ANO1: variants seen among roughly 807,000 people sequenced by gnomAD.
ANO1 encodes anoctamin 1.
In ANO1, 59 loss-of-function variants were observed where a neutral mutation model predicts 124.0. That is an observed-to-expected ratio of 0.48 (90% CI 0.39 to 0.59). The LOEUF (loss-of-function observed/expected upper bound fraction) is 0.59, where lower values mean the gene tolerates loss of function less well. Among genes scored for constraint, ANO1 ranks in the 20% least tolerant of loss-of-function variants. ANO1 has a pLI of 0.00. For missense variants in ANO1, 1,059 were observed against 1,328.0 expected (o/e 0.80, Z 3.15); for synonymous variants, 529 against 532.0 (o/e 0.99, Z 0.08).
upstream of ANO1, among the ~76,000 whole-genome samples, chr11:69,983,449 C>G (rs868935477): frequency 2.0e-5 from 3 of 152,218 alleles, no homozygotes; most frequent in South Asian, 6.2e-4. Flanking sequence ...GCCACCTCCC[C>G]GAGCCAGTGC....
chr11:69,972,980 G>A, the ANO1 span, among the ~76,000 whole-genome samples: 1 of 149,172 alleles, frequency 6.7e-6, no homozygotes, highest in Non-Finnish European at 1.5e-5. Flanking sequence ...CAAGATCTCA[G>A]CCCACTGCAA....
chr11:70,017,616 G>T (rs557982132), intron 1 of ANO1, among the ~76,000 whole-genome samples: 3 of 151,626 alleles, frequency 2.0e-5, no homozygotes, highest in Non-Finnish European at 4.4e-5. Context: ...CCAAGCTCAA[G>T]GGAGCCTCCC....
intron 1 of ANO1, chr11:70,063,661 G>C (rs967996588): frequency 6.6e-6 from 1 of 152,080 alleles, no homozygotes; most frequent in Admixed American, 6.5e-5. Flanking sequence ...GTTTGTTCTG[G>C]AGAAATAAGA....
chr11:70,109,665 T>C (rs1200068797), intron 6 of ANO1, among the ~76,000 whole-genome samples: 2 of 152,218 alleles, frequency 1.3e-5, no homozygotes, highest in Admixed American at 1.3e-4. Flanking sequence ...GAGGCATGGT[T>C]CTGGTCCCAG....
At chr11:70,185,567 G>C (rs368580617) in intron 24 of ANO1, 23 bp from the exon 25 acceptor site, 19 of 1,607,520 alleles carry the variant, frequency 1.2e-5, no homozygotes, top group Non-Finnish European at 1.5e-5. Flanking sequence ...TCCCACCCTC[G>C]ACTCCACCAC....
chr11:70,168,817 C>T (rs2048348887), intron 21 of ANO1, among the ~76,000 whole-genome samples: 2 of 152,140 alleles, frequency 1.3e-5, no homozygotes, highest in African/African-American at 4.8e-5. Flanking sequence ...ACAAGTGCTG[C>T]CGTCTGCCCC....
At chr11:70,166,563 G>T (rs1034556917) in intron 20 of ANO1, among the ~76,000 whole-genome samples, 2 of 152,138 alleles carry the variant, frequency 1.3e-5, no homozygotes, top group Non-Finnish European at 2.9e-5. Flanking sequence ...CCCAGTGGCT[G>T]CTGGGTCTCT....
chr11:70,117,100 C>CTTTTTTTTTTTTTTTTTTTTTTTTT (rs756764991), intron 8 of ANO1, among the ~76,000 whole-genome samples: 3 of 61,548 alleles, frequency 4.9e-5, no homozygotes, highest in African/African-American at 1.3e-4. Context: ...TTGTTTCTTT[C>CTTTTTTTTTTTTTTTTTTTTTTTTT]TTTTTTTTTT....
intron 1 of ANO1, among the ~76,000 whole-genome samples, chr11:70,008,212 G>A (rs183307193): frequency 1.8e-4 from 27 of 152,164 alleles, no homozygotes; most frequent in African/African-American, 5.5e-4. Context: ...GTAAATTGCC[G>A]TTTCACTCTG....
chr11:70,145,583 C>A (rs555131591), intron 11 of ANO1, among the ~76,000 whole-genome samples: 1 of 152,210 alleles, frequency 6.6e-6, no homozygotes, highest in Admixed American at 6.5e-5. Flanking sequence ...TCTACAGACA[C>A]CTCCAGGACA....
intron 11 of ANO1, among the ~76,000 whole-genome samples, chr11:70,142,505 G>A (rs886678546): frequency 2.6e-5 from 4 of 152,086 alleles, no homozygotes; most frequent in Admixed American, 1.3e-4. Flanking sequence ...GAGCACTCTC[G>A]TGCAGGACCA....
At chr11:69,995,652 G>T (rs1382117004) in intron 1 of ANO1, among the ~76,000 whole-genome samples, 4 of 152,128 alleles carry the variant, frequency 2.6e-5, no homozygotes, top group Non-Finnish European at 5.9e-5. Context: ...ATTCAGCTGG[G>T]ATTATTAGTT....
chr11:70,129,335 G>A (rs2046652113), intron 10 of ANO1: 1 of 152,218 alleles, frequency 6.6e-6, no homozygotes, highest in Admixed American at 6.5e-5. Flanking sequence ...TAATCCTCCT[G>A]ACAACCTATT....
In ANO1 at chr11:69,987,018, T is replaced by TC. The variant is rs532124919; in HGVS notation, c.58+858dup. 5.1e-4 allele frequency among the ~76,000 whole-genome samples: 77 copies of TC among 152,052 alleles called. 1 individual carries two copies. Among genetic ancestry groups the TC allele is most frequent in the African/African-American group, 1.8e-3 (75 of 41,458 alleles). On this transcript the variant is annotated intron_variant, in intron 1 of 27. Coordinates refer to the ANO1 transcript ENST00000531349. ...GCATGGGAAGCCCTCCTTTTATTCT[T>TC]CCCCCCTCCCTCCCCCGACTTTTCT...
intron 1 of ANO1, among the ~76,000 whole-genome samples, chr11:70,013,488 G>C (rs1028728024): frequency 6.6e-6 from 1 of 152,098 alleles, no homozygotes; most frequent in African/African-American, 2.4e-5. Context: ...ATAACAAAGT[G>C]TCAGCTGGGC....
intron 1 of ANO1, among the ~76,000 whole-genome samples, chr11:70,010,316 C>T (rs114577781): frequency 0.043 from 6,550 of 151,136 alleles, 468 homozygotes; most frequent in African/African-American, 0.15. Context: ...TGTGCAAGTG[C>T]CTTTTTCACA....
At chr11:70,115,031 T>C (rs2045922949) in intron 7 of ANO1, among the ~76,000 whole-genome samples, 2 of 152,190 alleles carry the variant, frequency 1.3e-5, no homozygotes, top group South Asian at 2.1e-4. Flanking sequence ...GAGGTGCTGC[T>C]GGGATCGCGT....
upstream of ANO1, chr11:70,074,831 G>A (rs1000495697): frequency 6.6e-6 from 1 of 152,260 alleles, no homozygotes; most frequent in African/African-American, 2.4e-5. Flanking sequence ...TCCCACCACA[G>A]AGGATGATCC....
At chr11:70,123,037 A>G (rs2046358334) in intron 8 of ANO1, among the ~76,000 whole-genome samples, 1 of 152,170 alleles carries the variant, frequency 6.6e-6, no homozygotes, top group Non-Finnish European at 1.5e-5. Flanking sequence ...TTCGCACATC[A>G]CTAACTCGCA....
Sources: gnomAD v4.1 joint callset for allele counts (sites outside exome capture counted in the v4.1 genomes callset) on GRCh38, gnomAD v4.1.1 for gene constraint, MANE v1.5 for transcripts, NCBI Gene and HGNC (gene_info 2026-07-23, HGNC 2026-07-21) for gene names.